The following METTL15 variants were observed in gnomAD, a reference collection of about 807,000 sequenced individuals.
The protein encoded by METTL15 is 12S rRNA N(4)-cytidine methyltransferase METTL15.
METTL15 carries 34 observed loss-of-function variants against 38.3 expected under a neutral mutation model. The observed-to-expected ratio is 0.89, with a 90% CI of 0.68 to 1.18. METTL15 has a LOEUF of 1.18. Ranked by LOEUF, METTL15 falls within the 50% of genes most tolerant of loss-of-function variation. The pLI, the probability that METTL15 is intolerant of heterozygous loss-of-function variation, is 0.00. For synonymous variants in METTL15, 162 were observed against 170.9 expected, an observed-to-expected ratio of 0.95 and a Z score of 0.41; for missense variants, 438 against 498.4, an observed-to-expected ratio of 0.88 and a Z score of 1.15.
At chr11:28,379,501 T>A (rs1018540655) in intron 5 of METTL15, among the ~76,000 whole-genome samples, 1 of 152,168 alleles carries the variant, frequency 6.6e-6, no homozygotes, top group Admixed American at 6.5e-5. Context: ...TTTATTTTCA[T>A]GTGTTTGTGT....
intron 6 of METTL15, among the ~76,000 whole-genome samples, chr11:28,481,678 G>A (rs991040317): frequency 6.6e-6 from 1 of 152,114 alleles, no homozygotes; most frequent in Non-Finnish European, 1.5e-5. Context: ...CCGAGCAAAA[G>A]CCTGACAGTG....
chr11:28,132,913 A>G (rs1184485777), intron 3 of METTL15, among the ~76,000 whole-genome samples: 1 of 152,190 alleles, frequency 6.6e-6, no homozygotes, highest in African/African-American at 2.4e-5. Context: ...TATTTTTAAC[A>G]AGAAGATACA....
At chr11:28,189,213 A>G (rs1229168756) in intron 3 of METTL15, among the ~76,000 whole-genome samples, 1 of 151,318 alleles carries the variant, frequency 6.6e-6, no homozygotes, top group Non-Finnish European at 1.5e-5. Flanking sequence ...TCTTTCTTTA[A>G]CATACTGTTT....
intron 6 of METTL15, among the ~76,000 whole-genome samples, chr11:28,451,429 C>CA (rs1851119347): frequency 2.0e-5 from 3 of 151,716 alleles, no homozygotes; most frequent in African/African-American, 4.8e-5. Context: ...ACTAAAAATA[C>CA]AAAAAATTAG....
intron 6 of METTL15, among the ~76,000 whole-genome samples, chr11:28,321,660 A>T (rs1173096116): frequency 6.6e-6 from 1 of 152,116 alleles, no homozygotes; most frequent in Non-Finnish European, 1.5e-5. Flanking sequence ...ATATACTTTG[A>T]TTCTAAATTT....
chr11:28,496,268 A>T, intron 6 of METTL15, among the ~76,000 whole-genome samples: 1 of 152,230 alleles, frequency 6.6e-6, no homozygotes, highest in Non-Finnish European at 1.5e-5. Flanking sequence ...AAGCTTGTGC[A>T]GGGGAACTCC....
intron 6 of METTL15, among the ~76,000 whole-genome samples, chr11:28,310,817 G>GA (rs757113367): frequency 1.3e-5 from 2 of 151,124 alleles, no homozygotes; most frequent in Non-Finnish European, 2.9e-5. Flanking sequence ...CTTCCACCTG[G>GA]AAAAAAATCT....
chr11:28,396,087 G>A (rs1486427046), intron 5 of METTL15, among the ~76,000 whole-genome samples: 1 of 152,096 alleles, frequency 6.6e-6, no homozygotes, highest in Non-Finnish European at 1.5e-5. Context: ...GGTATTGATG[G>A]GACGTATCTC....
intron 4 of METTL15, among the ~76,000 whole-genome samples, chr11:28,233,196 T>C (rs1157661068): frequency 6.6e-6 from 1 of 151,996 alleles, no homozygotes; most frequent in East Asian, 1.9e-4. Context: ...GCACTATAAA[T>C]CAAGAATTCT....
chr11:28,420,183 A>G lies in METTL15; in HGVS notation c.*359-4116A>G, dbSNP rs1025220393. ...TATTCAAGTACAAGAAAGTTAAAATATATACGCACCAACACTGGAACACCC... is the reference window on the plus strand; with the variant it reads ...TATTCAAGTACAAGAAAGTTAAAATGTATACGCACCAACACTGGAACACCC... On this transcript the variant is annotated intron_variant and NMD_transcript_variant, in intron 5 of 7. Transcript: ENST00000532947. 7.2e-5 allele frequency among the ~76,000 whole-genome samples: 11 copies of G among 152,304 alleles called. No individual in the cohort carries two copies. The East Asian group carries it at 2.1e-3, about 29-fold the overall frequency.
At chr11:28,204,733 A>G (rs1353996067) in intron 3 of METTL15, among the ~76,000 whole-genome samples, 2 of 151,912 alleles carry the variant, frequency 1.3e-5, no homozygotes. Flanking sequence ...CATGATTGTA[A>G]TGATGATATA....
intron 3 of METTL15, among the ~76,000 whole-genome samples, chr11:28,178,244 A>G (rs1347637915): frequency 1.3e-5 from 2 of 151,932 alleles, no homozygotes; most frequent in South Asian, 4.1e-4. Flanking sequence ...TTAGGTGGCA[A>G]TATATCATTA....
chr11:28,117,771 A>G (rs1037201357), intron 3 of METTL15, among the ~76,000 whole-genome samples: 2 of 152,126 alleles, frequency 1.3e-5, no homozygotes, highest in African/African-American at 4.8e-5. Flanking sequence ...TTTATTCACT[A>G]TTCCCTTAAT....
At chr11:28,434,969 A>G (rs1465768435) in intron 6 of METTL15, among the ~76,000 whole-genome samples, 1 of 152,200 alleles carries the variant, frequency 6.6e-6, no homozygotes, top group Admixed American at 6.5e-5. Flanking sequence ...GCTGGTTTCA[A>G]GTTTTTCTCA....
intron 6 of METTL15, among the ~76,000 whole-genome samples, chr11:28,306,638 G>A (rs961536687): frequency 6.6e-6 from 1 of 151,906 alleles, no homozygotes; most frequent in Admixed American, 6.6e-5. Context: ...TCACACATCA[G>A]CTATTATATT....
At chr11:28,275,847 A>G (rs1855821635) in intron 4 of METTL15, among the ~76,000 whole-genome samples, 1 of 152,108 alleles carries the variant, frequency 6.6e-6, no homozygotes, top group South Asian at 2.1e-4. Context: ...TACAAAAGCC[A>G]TATATTAATC....
At chr11:28,375,467 G>A (rs1188835965) in intron 5 of METTL15, among the ~76,000 whole-genome samples, 1 of 151,810 alleles carries the variant, frequency 6.6e-6, no homozygotes, top group Admixed American at 6.6e-5. Flanking sequence ...GGTGTTTGTA[G>A]TATTCTCTGA....
chr11:28,113,864 C>T (rs1464467158), intron 3 of METTL15, among the ~76,000 whole-genome samples: 1 of 152,076 alleles, frequency 6.6e-6, no homozygotes, highest in African/African-American at 2.4e-5. Context: ...AAAATAGGCT[C>T]TGTGTTAGCT....
rs115435330 is a variant in METTL15 at position 28,347,441 on chromosome 11, A to T, written c.*190-4649A>T. On this transcript the variant is annotated intron_variant and NMD_transcript_variant, in intron 3 of 7. Transcript: ENST00000532947. ...TACATTACAATCTCATGGCTCTTCC[A>T]GCCCTCTCCAGCTCCTACGATATTT... Among the ~76,000 whole-genome samples, 320 of 152,304 alleles carry T rather than the reference A, an allele frequency of 2.1e-3. 3 individuals are homozygous for T. Among genetic ancestry groups the T allele is most frequent in the African/African-American group, 7.5e-3 (313 of 41,562 alleles).
Sources: gnomAD v4.1 joint callset for allele counts (sites outside exome capture counted in the v4.1 genomes callset) on GRCh38, gnomAD v4.1.1 for gene constraint, MANE v1.5 for transcripts, NCBI Gene and HGNC (gene_info 2026-07-23, HGNC 2026-07-21) for gene names.